FOXJ3: variants seen among roughly 807,000 people sequenced by gnomAD.
FOXJ3 encodes the protein forkhead box J3.
FOXJ3 carries 22 observed loss-of-function variants against 76.1 expected under a neutral mutation model. The observed-to-expected ratio is 0.29, with a 90% confidence interval of 0.21 to 0.41. The LOEUF (loss-of-function observed/expected upper bound fraction) is 0.41. Among genes scored for constraint, FOXJ3 ranks in the 10% least tolerant of loss-of-function variants. The probability of loss-of-function intolerance (pLI) is 1.00; values close to 1 mark genes in which losing one functional copy is unlikely to be tolerated. For synonymous variants in FOXJ3, 269 were observed against 261.2 expected (o/e 1.03, Z -0.29); for missense variants, 613 against 762.1 (o/e 0.80, Z 2.30).
intron 4 of FOXJ3, among the ~76,000 whole-genome samples, chr1:42,230,760 T>C (rs1648018716): frequency 6.8e-6 from 1 of 147,384 alleles, no homozygotes; most frequent in Non-Finnish European, 1.5e-5. Flanking sequence ...CTGATAGAAA[T>C]GTGTGACGGT....
At chr1:42,288,405 C>G (rs149561703) in intron 2 of FOXJ3, among the ~76,000 whole-genome samples, 83 of 152,334 alleles carry the variant, frequency 5.4e-4, no homozygotes, top group Middle Eastern at 6.8e-3. Flanking sequence ...CATACTACTT[C>G]AGCTCACCAG....
intron 1 of FOXJ3, among the ~76,000 whole-genome samples, chr1:42,311,857 T>C (rs931158767): frequency 6.6e-6 from 1 of 152,220 alleles, no homozygotes; most frequent in Non-Finnish European, 1.5e-5. Context: ...GGGATTAAAC[T>C]GCAAGCTTGT....
At chr1:42,310,293 G>A (rs899670906) in intron 2 of FOXJ3, among the ~76,000 whole-genome samples, 3 of 151,774 alleles carry the variant, frequency 2.0e-5, no homozygotes, top group Admixed American at 6.6e-5. Flanking sequence ...TTACAGGCAC[G>A]TGCAAACATG....
At chr1:42,291,083 T>TAGATAGATAGATAGACAGACAGACAGAC (rs1553167260) in intron 2 of FOXJ3, among the ~76,000 whole-genome samples, 28 of 126,462 alleles carry the variant, frequency 2.2e-4, no homozygotes, top group Non-Finnish European at 3.5e-4. Context: ...GATAGATAGA[T>TAGATAGATAGATAGACAGACAGACAGAC]AGACAGACAG....
chr1:42,221,586 G>A (rs1647186923), intron 5 of FOXJ3, among the ~76,000 whole-genome samples: 2 of 151,932 alleles, frequency 1.3e-5, no homozygotes, highest in African/African-American at 4.8e-5. Context: ...CTCCCCAGTA[G>A]CTGGGACTAG....
At chr1:42,298,316 A>G (rs1317610085) in intron 2 of FOXJ3, among the ~76,000 whole-genome samples, 1 of 152,104 alleles carries the variant, frequency 6.6e-6, no homozygotes, top group Non-Finnish European at 1.5e-5. Flanking sequence ...CTAATACAGA[A>G]GTTTTCCTTT....
chr1:42,187,767 G>A (rs1646466953), intron 11 of FOXJ3, among the ~76,000 whole-genome samples: 1 of 152,180 alleles, frequency 6.6e-6, no homozygotes, highest in African/African-American at 2.4e-5. Context: ...GACTGAACAA[G>A]GCCCTTGTGT....
chr1:42,275,095 G>C (rs890873353), intron 3 of FOXJ3, among the ~76,000 whole-genome samples: 1 of 152,184 alleles, frequency 6.6e-6, no homozygotes, highest in Non-Finnish European at 1.5e-5. Context: ...TTACTAAATG[G>C]AAGCACTCTG....
chr1:42,314,088 T>A (rs985512209), intron 1 of FOXJ3, among the ~76,000 whole-genome samples: 1 of 152,224 alleles, frequency 6.6e-6, no homozygotes. Context: ...GCTTAACTCT[T>A]ACTCTTTGTT....
intron 6 of FOXJ3, among the ~76,000 whole-genome samples, chr1:42,200,200 C>A (rs1646735551): frequency 6.6e-6 from 1 of 152,094 alleles, no homozygotes; most frequent in Non-Finnish European, 1.5e-5. Context: ...TCCCATTCAT[C>A]ATGCACGTAA....
At chr1:42,201,439 TAA>T (rs1316461110) in intron 6 of FOXJ3, among the ~76,000 whole-genome samples, 1 of 152,230 alleles carries the variant, frequency 6.6e-6, no homozygotes. Context: ...AGAGTTTTAT[TAA>T]GTCATGACCT....
intron 9 of FOXJ3, among the ~76,000 whole-genome samples, chr1:42,190,544 T>C (rs1414539044): frequency 6.6e-6 from 1 of 152,194 alleles, no homozygotes; most frequent in East Asian, 1.9e-4. Flanking sequence ...AAGAACTTCA[T>C]GGATAAGGAA....
chr1:42,324,767 G>T (rs1655728628), intron 1 of FOXJ3, among the ~76,000 whole-genome samples: 1 of 152,130 alleles, frequency 6.6e-6, no homozygotes, highest in African/African-American at 2.4e-5. Context: ...TATAAAAGAT[G>T]GTATGCCTGT....
chr1:42,329,194 T>G (rs1341696268), intron 1 of FOXJ3, among the ~76,000 whole-genome samples: 1 of 152,188 alleles, frequency 6.6e-6, no homozygotes, highest in Non-Finnish European at 1.5e-5. Flanking sequence ...GTTATAAATA[T>G]AAAAACAACA....
chr1:42,212,079 C>A (rs905528777), intron 5 of FOXJ3, among the ~76,000 whole-genome samples: 2 of 152,124 alleles, frequency 1.3e-5, no homozygotes, highest in Non-Finnish European at 2.9e-5. Flanking sequence ...CATGGTGAAA[C>A]CCCATCTCTA....
intron 6 of FOXJ3, among the ~76,000 whole-genome samples, chr1:42,202,841 A>G (rs1485212163): frequency 6.6e-6 from 1 of 152,008 alleles, no homozygotes; most frequent in Admixed American, 6.6e-5. Flanking sequence ...CAGTCCAAAT[A>G]TTGTATTTCT....
At chr1:42,248,313 T>TCA (rs1395946806) in intron 4 of FOXJ3, among the ~76,000 whole-genome samples, 1 of 152,156 alleles carries the variant, frequency 6.6e-6, no homozygotes, top group Non-Finnish European at 1.5e-5. Flanking sequence ...GGTGGGCCGA[T>TCA]CACGAGGTCA....
intron 4 of FOXJ3, among the ~76,000 whole-genome samples, chr1:42,263,637 A>G (rs1439844946): frequency 2.6e-5 from 4 of 152,210 alleles, no homozygotes; most frequent in African/African-American, 9.6e-5. Context: ...TTGACGGAGC[A>G]GACAGATGAT....
intron 1 of FOXJ3, among the ~76,000 whole-genome samples, chr1:42,314,285 T>G (rs1221452125): frequency 2.0e-5 from 3 of 152,188 alleles, no homozygotes; most frequent in Non-Finnish European, 4.4e-5. Flanking sequence ...GTTTTCACTC[T>G]TGCTGCCCAG....
Sources: allele counts gnomAD v4.1 joint callset (sites outside exome capture counted in the v4.1 genomes callset), GRCh38; gene constraint gnomAD v4.1.1; transcripts MANE v1.5; gene names NCBI Gene and HGNC (gene_info 2026-07-23, HGNC 2026-07-21).